The following FAM193A variants were observed in gnomAD, a reference collection of about 807,000 sequenced individuals.
The protein encoded by FAM193A is family with sequence similarity 193 member A, also known as protein FAM193A.
FAM193A carries 22 observed loss-of-function variants against 126.5 expected under a neutral mutation model. The ratio of observed to expected loss-of-function variants is 0.17; its 90% CI spans 0.12 to 0.25. The LOEUF (loss-of-function observed/expected upper bound fraction) is 0.25. Ranked by LOEUF, FAM193A falls within the 10% of genes least tolerant of loss-of-function variation. The probability of loss-of-function intolerance (pLI) is 1.00; values close to 1 mark genes in which losing one functional copy is unlikely to be tolerated. For synonymous variants in FAM193A, 761 were observed against 646.8 expected, an observed-to-expected ratio of 1.18 and a Z score of -2.68; for missense variants, 1,675 against 1,672.8, an observed-to-expected ratio of 1.00 and a Z score of -0.02.
Position 2,659,182 on chromosome 4 carries a change from C to T in FAM193A, c.1390-376C>T, listed in dbSNP as rs541697711. 3.3e-5 allele frequency among the ~76,000 whole-genome samples: 5 copies of T among 152,314 alleles called. No homozygotes were observed. The South Asian group carries it at 8.3e-4, about 25-fold the overall frequency. ...AGTTGAGGTGCCATTTCCTCAATAG[C>T]TCCGAGGCCGACCCCTTGCCCTCCA... On this transcript the variant is annotated intron_variant, in intron 8 of 20. Coordinates refer to ENST00000637812, the MANE Select transcript of FAM193A (RefSeq NM_001366318.2).
At chr4:2,593,300 C>T (rs1013103196) in intron 1 of FAM193A, among the ~76,000 whole-genome samples, 1 of 152,216 alleles carries the variant, frequency 6.6e-6, no homozygotes, top group Middle Eastern at 3.4e-3. Context: ...TCTCTCTGCA[C>T]GCAGCCTCAG....
intron 20 of FAM193A, among the ~76,000 whole-genome samples, chr4:2,717,270 G>A (rs761446095): frequency 5.3e-5 from 8 of 152,188 alleles, no homozygotes; most frequent in South Asian, 2.1e-4. Flanking sequence ...GTGATTAAGC[G>A]TGCATTTGTA....
chr4:2,584,436 A>C (rs1415231939), intron 1 of FAM193A, among the ~76,000 whole-genome samples: 3 of 151,724 alleles, frequency 2.0e-5, no homozygotes, highest in South Asian at 4.2e-4. Context: ...AAAAAAAAAA[A>C]AAAAACACCC....
At chr4:2,594,798 T>G (rs944830105) in intron 1 of FAM193A, among the ~76,000 whole-genome samples, 2 of 150,666 alleles carry the variant, frequency 1.3e-5, no homozygotes, top group Non-Finnish European at 3.0e-5. Context: ...AGACTCAGTT[T>G]CTTTCTTTTT....
chr4:2,721,181 C>T lies in FAM193A; in HGVS notation c.4454+5077C>T, dbSNP rs868074506. 2.6e-5 allele frequency among the ~76,000 whole-genome samples: 4 copies of T among 151,816 alleles called. No individual in the cohort carries two copies. In the Middle Eastern group the frequency reaches 0.01, roughly 387 times the overall value. Reference sequence around the variant, plus strand: ...ACAAAAAATTAGCCAGGCGTGGTGGCGGGCACCTGTAGTCCCAGCTACTCG... The same window carrying T: ...ACAAAAAATTAGCCAGGCGTGGTGGTGGGCACCTGTAGTCCCAGCTACTCG... On this transcript the variant is annotated intron_variant, in intron 20 of 20. Transcript: ENST00000637812.
chr4:2,678,883 C>T (rs1714766941), intron 13 of FAM193A, among the ~76,000 whole-genome samples: 3 of 152,196 alleles, frequency 2.0e-5, no homozygotes, highest in African/African-American at 7.2e-5. Context: ...GATAATTTTA[C>T]TTCTTCCTTT....
intron 13 of FAM193A, among the ~76,000 whole-genome samples, chr4:2,673,201 C>T (rs1714021293): frequency 6.6e-6 from 1 of 152,068 alleles, no homozygotes; most frequent in South Asian, 2.1e-4. Flanking sequence ...CCAAAGGTAG[C>T]TCTAATCAGT....
intron 1 of FAM193A, among the ~76,000 whole-genome samples, chr4:2,571,648 C>A (rs1361003690): frequency 6.6e-6 from 1 of 151,726 alleles, no homozygotes; most frequent in Non-Finnish European, 1.5e-5. Context: ...TCAAGCGATT[C>A]TCTCACCTCA....
chr4:2,570,541 G>T (rs1394878662), intron 1 of FAM193A, among the ~76,000 whole-genome samples: 1 of 152,080 alleles, frequency 6.6e-6, no homozygotes, highest in Non-Finnish European at 1.5e-5. Flanking sequence ...CAGAGGTCAT[G>T]CCACATCTTT....
At chr4:2,638,171 T>A (rs1164462172) in intron 5 of FAM193A, among the ~76,000 whole-genome samples, 1 of 152,244 alleles carries the variant, frequency 6.6e-6, no homozygotes, top group Admixed American at 6.5e-5. Context: ...ATCCAGGTGC[T>A]GCATTCACTC....
chr4:2,693,405 C>T (rs530774471), intron 15 of FAM193A, among the ~76,000 whole-genome samples, 181 bp from the exon 16 acceptor site: 10 of 152,228 alleles, frequency 6.6e-5, no homozygotes, highest in South Asian at 2.1e-4. Flanking sequence ...TGCAGACGTT[C>T]GGCTAAAAAG....
chr4:2,646,844 C>T lies in FAM193A; in HGVS notation c.1311+12C>T. On this transcript the variant is annotated intron_variant, in intron 7 of 20. Coordinates refer to ENST00000637812, the MANE Select transcript of FAM193A (RefSeq NM_001366318.2). ...ATGTCGACGAGCAGGTGAGTGCCAC[C>T]CGGGACCACCGCACCCCGCGCACAT... 2 of 1,606,988 alleles carry T rather than the reference C, an allele frequency of 1.2e-6. No individual in the cohort carries two copies. The highest frequency in any genetic ancestry group is 2.2e-5 in the East Asian group (1 of 44,802).
chr4:2,560,051 C>T (rs1057408280), intron 1 of FAM193A, among the ~76,000 whole-genome samples: 1 of 151,896 alleles, frequency 6.6e-6, no homozygotes, highest in African/African-American at 2.4e-5. Flanking sequence ...CTCTGTCTCC[C>T]TGGTTCAAGC....
At chr4:2,569,433 TTTA>T (rs1428887352) in intron 1 of FAM193A, among the ~76,000 whole-genome samples, 2 of 152,208 alleles carry the variant, frequency 1.3e-5, no homozygotes, top group Non-Finnish European at 2.9e-5. Flanking sequence ...TCCTATTTAT[TTTA>T]TTGTCATATT....
intron 1 of FAM193A, among the ~76,000 whole-genome samples, chr4:2,557,915 G>A (rs1738356801): frequency 6.6e-6 from 1 of 151,772 alleles, no homozygotes; most frequent in Non-Finnish European, 1.5e-5. Flanking sequence ...ACGTGCCACT[G>A]CACTCCAGCC....
Position 2,659,552 on chromosome 4 carries a change from C to T in FAM193A, c.1390-6C>T, listed in dbSNP as rs1291722722. 4 of 1,601,246 alleles carry T rather than the reference C, an allele frequency of 2.5e-6. No homozygotes were observed. In the African/African-American group the frequency reaches 4.0e-5, roughly 16 times the overall value. On this transcript the variant is annotated splice_region_variant and splice_polypyrimidine_tract_variant and intron_variant, in intron 8 of 20. Transcript: ENST00000637812. ...CAAGATTAAAGCATTTTAAAATTTC[C>T]TCTAGTTAACCAATAAGAAAGCAGT... is the stretch of plus-strand genomic sequence containing the variant.
At chr4:2,664,462 A>G (rs1577164203) in intron 12 of FAM193A, among the ~76,000 whole-genome samples, 1 of 151,130 alleles carries the variant, frequency 6.6e-6, no homozygotes, top group East Asian at 1.9e-4. Context: ...CCTTACACCC[A>G]TAGTGCATTT....
At chr4:2,638,383 G>A (rs1196331230) in intron 5 of FAM193A, among the ~76,000 whole-genome samples, 1 of 152,190 alleles carries the variant, frequency 6.6e-6, no homozygotes, top group Admixed American at 6.5e-5. Flanking sequence ...TCCAGCCTGG[G>A]GCTGGGTATC....
intron 19 of FAM193A, among the ~76,000 whole-genome samples, chr4:2,709,863 C>T (rs1470061478): frequency 6.6e-6 from 1 of 152,182 alleles, no homozygotes; most frequent in African/African-American, 2.4e-5. Flanking sequence ...GTGGTCCTTG[C>T]TAGCAGTCTT....
Sources: gnomAD v4.1 joint callset for allele counts (sites outside exome capture counted in the v4.1 genomes callset) on GRCh38, gnomAD v4.1.1 for gene constraint, MANE v1.5 for transcripts, NCBI Gene and HGNC (gene_info 2026-07-23, HGNC 2026-07-21) for gene names.